The following MIER2 variants were observed in gnomAD, a reference collection of about 807,000 sequenced individuals.
MIER2 encodes the protein MIER family member 2.
Under a neutral mutation model 67.6 loss-of-function variants are expected in MIER2, and 30 were observed. The ratio of observed to expected loss-of-function variants is 0.44; its 90% CI spans 0.33 to 0.60. MIER2 has a LOEUF of 0.60. MIER2 is among the 20% of genes least tolerant of loss of function. MIER2 has a pLI of 0.02. For synonymous variants in MIER2, 372 were observed against 312.6 expected, an observed-to-expected ratio of 1.19 and a Z score of -2.00; for missense variants, 702 against 745.1, an observed-to-expected ratio of 0.94 and a Z score of 0.67.
In MIER2 at chr19:308,679, G is replaced by T. The variant is rs780293057; in HGVS notation, c.1110-14C>A. 1.9e-6 allele frequency: 3 copies of T among 1,599,996 alleles called. No individual in the cohort carries two copies. The highest frequency in any genetic ancestry group is 2.6e-6 in the Non-Finnish European group (3 of 1,174,702). ...TGGTCTGCGTCCCTGTGGGGAGAGG[G>T]CGCCATGAGGGGCGGCAGACAGGAC... is the stretch of plus-strand genomic sequence containing the variant. On this transcript the variant is annotated splice_polypyrimidine_tract_variant and intron_variant, in intron 11 of 13. Coordinates refer to ENST00000264819, the MANE Select transcript of MIER2 (RefSeq NM_017550.3). This position sits in a 1 kb window ranked among gnomAD's most constrained non-coding sequence, Gnocchi z 9.1.
intron 7 of MIER2, among the ~76,000 whole-genome samples, chr19:323,981 G>A (rs550766734): frequency 1.5e-4 from 22 of 150,076 alleles, no homozygotes; most frequent in African/African-American, 4.9e-4. Flanking sequence ...TGACACAGAC[G>A]TCATCACCAT....
intron 3 of MIER2, among the ~76,000 whole-genome samples, chr19:331,810 G>A (rs550402232): frequency 7.3e-5 from 11 of 151,688 alleles, no homozygotes; most frequent in East Asian, 3.9e-4. Flanking sequence ...ATGAAACCCC[G>A]TCTCTGCTAA....
At chr19:335,636 T>C (rs1972212245) in intron 2 of MIER2, among the ~76,000 whole-genome samples, 1 of 152,168 alleles carries the variant, frequency 6.6e-6, no homozygotes, top group Non-Finnish European at 1.5e-5. Flanking sequence ...CCAACGCAGG[T>C]GGCTGGCAGG....
intron 3 of MIER2, among the ~76,000 whole-genome samples, chr19:329,398 A>G (rs1971918739): frequency 6.6e-6 from 1 of 152,196 alleles, no homozygotes; most frequent in South Asian, 2.1e-4. Context: ...TAGTAGCCCA[A>G]GGTGAAGACC....
intron 7 of MIER2, among the ~76,000 whole-genome samples, chr19:313,905 A>G (rs905241156): frequency 2.6e-5 from 4 of 152,208 alleles, no homozygotes; most frequent in African/African-American, 9.6e-5. Context: ...GGGAGCCATG[A>G]GCAGTCAGCA....
At chr19:324,496 G>A (rs1337559398) in intron 7 of MIER2, among the ~76,000 whole-genome samples, 2 of 134,698 alleles carry the variant, frequency 1.5e-5, no homozygotes, top group Non-Finnish European at 3.1e-5. Context: ...ACACAACCAC[G>A]CAGATGACTC....
intron 3 of MIER2, among the ~76,000 whole-genome samples, chr19:328,786 T>C (rs1376691623): frequency 6.6e-6 from 1 of 152,112 alleles, no homozygotes; most frequent in Admixed American, 6.6e-5. Context: ...AAACGGATGC[T>C]TCATCAATAT....
At position 306,640 on chromosome 19, in the gene MIER2, C is replaced by A. The variant is rs370296227; in HGVS notation, c.*50G>T. 87 of 1,549,264 alleles carry A rather than the reference C, an allele frequency of 5.6e-5. No individual in the cohort carries two copies. In the South Asian group the frequency reaches 8.6e-4, roughly 15 times the overall value. ...GGAAGACTGACAGAGGCGGGCCCAG[C>A]GGCAGCGCTAAGTCCAGTCTGGGCC... On this transcript the variant is annotated 3_prime_UTR_variant, in exon 14 of 14. Transcript: ENST00000264819.
intron 10 of MIER2, among the ~76,000 whole-genome samples, chr19:310,534 A>G (rs1359586268): frequency 1.3e-5 from 1 of 76,606 alleles, no homozygotes; most frequent in African/African-American, 7.6e-5. Flanking sequence ...CTATAGAAAC[A>G]CGGCCCGGAG....
intron 7 of MIER2, among the ~76,000 whole-genome samples, chr19:323,760 AC>A (rs528241627): frequency 5.9e-5 from 9 of 151,538 alleles, no homozygotes; most frequent in African/African-American, 2.2e-4. Context: ...AATGCAATAC[AC>A]AGGACACACA....
intron 6 of MIER2, 103 bp from the exon 7 acceptor site, chr19:325,807 T>TCCAGACC (rs1460129376): frequency 1.6e-6 from 2 of 1,279,736 alleles, no homozygotes; most frequent in Non-Finnish European, 2.3e-6. Flanking sequence ...GGGGCCACTG[T>TCCAGACC]CCAGACCCCA....
chr19:308,091 C>T lies in MIER2; in HGVS notation c.1198+486G>A, dbSNP rs1328320549. Among the ~76,000 whole-genome samples, 1 of 152,196 alleles carries T rather than the reference C, an allele frequency of 6.6e-6. No individual in the cohort carries two copies. The highest frequency in any genetic ancestry group is 1.5e-5 in the Non-Finnish European group (1 of 68,026). ...CAAAGGATCCTCGTTTGCACCCTCC[C>T]CGTGTGGGTCTCCACCTTCGGACGC... On this transcript the variant is annotated intron_variant, in intron 12 of 13. Transcript: ENST00000264819. The surrounding 1 kb of genome is among the most constrained non-coding windows in gnomAD (Gnocchi z 9.1).
At chr19:327,368 CT>C in intron 4 of MIER2, 112 bp from the exon 5 acceptor site, 1 of 1,310,364 alleles carries the variant, frequency 7.6e-7, no homozygotes, top group South Asian at 1.3e-5. Context: ...TCACATGGGG[CT>C]GCTATTCCCA....
At chr19:344,227 G>C (rs1413162628) in intron 1 of MIER2, 1 of 985,280 alleles carries the variant, frequency 1.0e-6, no homozygotes, top group African/African-American at 1.7e-5. Context: ...AGGCGGGTCC[G>C]CGTCGGGAGT....
intron 6 of MIER2, 26 bp downstream of exon 6, chr19:326,481 G>T: frequency 6.3e-7 from 1 of 1,597,924 alleles, no homozygotes; most frequent in Non-Finnish European, 8.6e-7. Context: ...GGGATGCCAG[G>T]TTGGGGAGAT....
At chr19:309,008 C>G in intron 10 of MIER2, 83 bp from the exon 11 acceptor site, 2 of 1,525,750 alleles carry the variant, frequency 1.3e-6, no homozygotes, top group Non-Finnish European at 1.8e-6. Flanking sequence ...CGTCCTGGGA[C>G]CCCGGGACAG....
At chr19:315,728 A>G (rs1176837056) in intron 7 of MIER2, among the ~76,000 whole-genome samples, 1 of 152,246 alleles carries the variant, frequency 6.6e-6, no homozygotes, top group Non-Finnish European at 1.5e-5. Flanking sequence ...GCAACCTCTA[A>G]GATACGTGTA....
In MIER2 at chr19:308,876, T is replaced by C; in HGVS notation, c.1034A>G (p.Lys345Arg). ...GECVEYYYLW[K>R]KSERYDYFAQ... is the part of the protein sequence containing the mutation. ...GAAGTAGTCGTAGCGCTCCGACTTC[T>C]TCCACAGGTAGTAGTACTCGACACA... The change falls in exon 11 of 14, where the codon AAG becomes AGG. Residue 345 changes from lysine (K) to arginine (R), a missense_variant. Physicochemically the swap from Lys to Arg is conservative, Grantham distance 26. Coordinates refer to ENST00000264819, the MANE Select transcript of MIER2 (RefSeq NM_017550.3). This position sits in a 1 kb window ranked among gnomAD's most constrained non-coding sequence, Gnocchi z 9.1. 6.2e-7 allele frequency: 1 copy of C among 1,611,606 alleles called. No homozygotes were observed. The highest frequency in any genetic ancestry group is 8.5e-7 in the Non-Finnish European group (1 of 1,178,590).
chr19:306,598 G>C lies in MIER2; in HGVS notation c.*92C>G, dbSNP rs958940808. 2.0e-6 allele frequency: 3 copies of C among 1,505,024 alleles called. No individual in the cohort carries two copies. Among genetic ancestry groups the C allele is most frequent in the Non-Finnish European group, 2.7e-6 (3 of 1,106,382 alleles). 93.2% of individuals were successfully genotyped at this position (1,505,024 alleles called of 1,614,324 possible). The stretch of plus-strand genomic sequence containing the variant: ...AGGAGGTGCTACCCCAAGGCCCGGG[G>C]GGTGGGGAAGGGGTCAGGAAGACTG... On this transcript the variant is annotated 3_prime_UTR_variant, in exon 14 of 14. Coordinates refer to ENST00000264819, the MANE Select transcript of MIER2 (RefSeq NM_017550.3).
Sources: gnomAD v4.1 joint callset for allele counts (sites outside exome capture counted in the v4.1 genomes callset) on GRCh38, gnomAD v4.1.1 for gene constraint, Gnocchi (gnomAD v3.1) non-coding constraint, MANE v1.5 for transcripts, NCBI Gene and HGNC (gene_info 2026-07-23, HGNC 2026-07-21) for gene names.